The following ANKRD28 variants were observed in gnomAD, a reference collection of about 807,000 sequenced individuals.
ANKRD28 encodes ankyrin repeat domain 28.
In ANKRD28, 44 loss-of-function variants were observed where a neutral mutation model predicts 126.5. That is an observed-to-expected ratio of 0.35 (90% CI 0.27 to 0.45). The LOEUF is 0.45. Among genes scored for constraint, ANKRD28 ranks in the 20% least tolerant of loss-of-function variants. The pLI is 1.00. For synonymous variants in ANKRD28, 442 were observed against 468.5 expected (o/e 0.94, Z 0.73); for missense variants, 1,110 against 1,316.6 (o/e 0.84, Z 2.43).
At chr3:15,705,041 A>T (rs574688803) in intron 14 of ANKRD28, among the ~76,000 whole-genome samples, 82 of 152,242 alleles carry the variant, frequency 5.4e-4, no homozygotes, top group Non-Finnish European at 9.6e-4. Flanking sequence ...ACTTGCTCAT[A>T]CTCAAATGGG....
At chr3:15,735,624 GCTAGA>G (rs2074966270) in intron 5 of ANKRD28, 127 bp from the exon 6 acceptor site, 1 of 663,518 alleles carries the variant, frequency 1.5e-6, no homozygotes, top group Non-Finnish European at 2.5e-6. Context: ...AACAGAAGGA[GCTAGA>G]CTAAATACTG....
At chr3:15,726,437 C>T (rs1309735027) in intron 6 of ANKRD28, among the ~76,000 whole-genome samples, 9 of 152,290 alleles carry the variant, frequency 5.9e-5, no homozygotes, top group East Asian at 5.8e-4. Context: ...TCTGGATAGA[C>T]GACCAAAACA....
chr3:15,701,786 T>C (rs1463042791), intron 14 of ANKRD28, among the ~76,000 whole-genome samples: 3 of 152,168 alleles, frequency 2.0e-5, no homozygotes, highest in African/African-American at 4.8e-5. Context: ...TCTGAGGACA[T>C]GTCAGGAAAA....
At position 15,838,056 on chromosome 3, in the gene ANKRD28, C is replaced by G. The variant is rs909625228; in HGVS notation, c.27+21321G>C. On this transcript the variant is annotated intron_variant, in intron 1 of 27. Transcript: ENST00000399451. The surrounding 1 kb of genome is among the most constrained non-coding windows in gnomAD (Gnocchi z 4.0). ...TTAGAAAAAAATAAATTCTAAGACA[C>G]AAATTACTGACTCTGAAGAAGATAC... Among the ~76,000 whole-genome samples, 1 of 152,002 alleles carries G rather than the reference C, an allele frequency of 6.6e-6. No individual in the cohort carries two copies. Among genetic ancestry groups the G allele is most frequent in the Non-Finnish European group, 1.5e-5 (1 of 67,986 alleles).
rs370703841 is a variant in ANKRD28 at position 15,679,265 on chromosome 3, T to C, written c.2561+36A>G. The C allele has an allele frequency of 3.1e-6, 5 of 1,596,868 alleles. No individual in the cohort carries two copies. In the Admixed American group the frequency reaches 6.7e-5, roughly 21 times the overall value. On this transcript the variant is annotated intron_variant, in intron 23 of 27. Transcript: ENST00000683139. ...GATTATAGGCATGAGCCACTGTGCC[T>C]GGCTAAAACTATTTAATACATAGTT...
chr3:15,760,724 G>A (rs560488362), intron 3 of ANKRD28, among the ~76,000 whole-genome samples: 2 of 151,918 alleles, frequency 1.3e-5, no homozygotes, highest in East Asian at 1.9e-4. Flanking sequence ...CTGAGTTTGG[G>A]GAAAAAAGGA....
chr3:15,774,996 C>G (rs1460484761), intron 2 of ANKRD28, among the ~76,000 whole-genome samples: 1 of 152,254 alleles, frequency 6.6e-6, no homozygotes, highest in Admixed American at 6.5e-5. Flanking sequence ...CCTGCCTCAG[C>G]CTCCCCAGTA....
At chr3:15,753,159 A>T (rs983290620) in intron 3 of ANKRD28, among the ~76,000 whole-genome samples, 5 of 152,230 alleles carry the variant, frequency 3.3e-5, no homozygotes, top group African/African-American at 1.2e-4. Flanking sequence ...TGGAAGAAGG[A>T]AAGGAAGACA....
At chr3:15,849,544 A>G (rs1429408260) in intron 1 of ANKRD28, among the ~76,000 whole-genome samples, 1 of 152,212 alleles carries the variant, frequency 6.6e-6, no homozygotes, top group Admixed American at 6.5e-5. Context: ...CAAGACATAA[A>G]GATTCCTCTA....
chr3:15,690,376 G>C (rs538503735), intron 17 of ANKRD28, among the ~76,000 whole-genome samples, 156 bp from the exon 18 acceptor site: 302 of 152,276 alleles, frequency 2.0e-3, no homozygotes, highest in Non-Finnish European at 3.0e-3. Flanking sequence ...GTTAACTACA[G>C]ATCTTTCTAA....
intron 14 of ANKRD28, among the ~76,000 whole-genome samples, chr3:15,706,110 T>C (rs963912234): frequency 5.3e-5 from 8 of 152,100 alleles, no homozygotes; most frequent in African/African-American, 1.9e-4. Context: ...TTTATTGTTA[T>C]ACTTTGTTCT....
chr3:15,670,994 T>C (rs1042256150), intron 27 of ANKRD28, among the ~76,000 whole-genome samples: 76 of 152,342 alleles, frequency 5.0e-4, no homozygotes, highest in African/African-American at 1.8e-3. Flanking sequence ...TAAGGAAACT[T>C]TTTGATGCTA....
chr3:15,826,506 A>G (rs958266601), intron 1 of ANKRD28, among the ~76,000 whole-genome samples: 21 of 152,226 alleles, frequency 1.4e-4, no homozygotes, highest in African/African-American at 5.1e-4. Flanking sequence ...AAAAGCCTAG[A>G]TGATAAAAGC....
chr3:15,806,921 A>AGG (rs2060595415), intron 1 of ANKRD28, among the ~76,000 whole-genome samples: 1 of 152,238 alleles, frequency 6.6e-6, no homozygotes, highest in South Asian at 2.1e-4. Context: ...AGCCAAAAAT[A>AGG]ATTTATAAAA....
intron 2 of ANKRD28, among the ~76,000 whole-genome samples, chr3:15,777,866 AC>A (rs2059361183): frequency 1.6e-5 from 2 of 128,636 alleles, no homozygotes; most frequent in Non-Finnish European, 3.5e-5. Flanking sequence ...ACACACACAC[AC>A]ACACACACAC....
chr3:15,768,602 T>C (rs1256902339), intron 2 of ANKRD28, among the ~76,000 whole-genome samples: 1 of 151,638 alleles, frequency 6.6e-6, no homozygotes, highest in Non-Finnish European at 1.5e-5. Context: ...CTGTGAGCTA[T>C]GACCATGCCA....
intron 14 of ANKRD28, among the ~76,000 whole-genome samples, chr3:15,699,526 G>T (rs1239457797): frequency 2.0e-5 from 3 of 151,856 alleles, no homozygotes; most frequent in African/African-American, 7.3e-5. Context: ...AATCTACAAA[G>T]AACTTAAATT....
At chr3:15,749,604 T>G (rs1336388166) in intron 4 of ANKRD28, among the ~76,000 whole-genome samples, 1 of 152,198 alleles carries the variant, frequency 6.6e-6, no homozygotes, top group East Asian at 1.9e-4. Context: ...GTTTTTCTGG[T>G]TCTTTCTCAT....
intron 27 of ANKRD28, among the ~76,000 whole-genome samples, chr3:15,674,850 A>C (rs2066769680): frequency 6.6e-6 from 1 of 152,256 alleles, no homozygotes; most frequent in Non-Finnish European, 1.5e-5. Context: ...AAGCTGATCT[A>C]TCAAGTAAAA....
Sources: gnomAD v4.1 joint callset for allele counts (sites outside exome capture counted in the v4.1 genomes callset) on GRCh38, gnomAD v4.1.1 for gene constraint, Gnocchi (gnomAD v3.1) non-coding constraint, MANE v1.5 for transcripts, NCBI Gene and HGNC (gene_info 2026-07-23, HGNC 2026-07-21) for gene names.